PTPRM: variants seen among roughly 807,000 people sequenced by gnomAD.
The protein encoded by PTPRM is receptor-type tyrosine-protein phosphatase mu.
In PTPRM, 47 loss-of-function variants were observed where a neutral mutation model predicts 186.7. The observed-to-expected ratio is 0.25, with a 90% confidence interval of 0.20 to 0.32. The LOEUF (loss-of-function observed/expected upper bound fraction) is 0.32, where lower values mean the gene tolerates loss of function less well. PTPRM is among the 10% of genes least tolerant of loss of function. The pLI, the probability that PTPRM is intolerant of heterozygous loss-of-function variation, is 1.00. For synonymous variants in PTPRM, 668 were observed against 674.9 expected, an observed-to-expected ratio of 0.99 and a Z score of 0.16; for missense variants, 1,494 against 1,865.0, an observed-to-expected ratio of 0.80 and a Z score of 3.66.
At chr18:7,702,887 G>T (rs1236751091) in intron 1 of PTPRM, among the ~76,000 whole-genome samples, 1 of 151,708 alleles carries the variant, frequency 6.6e-6, no homozygotes, top group South Asian at 2.1e-4. Context: ...GTAAGGAAGG[G>T]GTCCAGTTTT....
chr18:8,248,024 A>T, intron 16 of PTPRM, 105 bp downstream of exon 16: 1 of 1,358,746 alleles, frequency 7.4e-7, no homozygotes, highest in Non-Finnish European at 1.1e-6. Context: ...ACTGTGTTTG[A>T]GATGTTGTAA....
intron 32 of PTPRM, among the ~76,000 whole-genome samples, chr18:8,400,644 C>T (rs1334428449): frequency 6.6e-6 from 1 of 152,222 alleles, no homozygotes; most frequent in African/African-American, 2.4e-5. Flanking sequence ...AGCCAGGCCC[C>T]ATCCTGATCT....
chr18:8,280,950 G>A (rs1424658610), intron 19 of PTPRM, among the ~76,000 whole-genome samples: 1 of 152,180 alleles, frequency 6.6e-6, no homozygotes, highest in Admixed American at 6.5e-5. Context: ...TTAGAGATGT[G>A]AAGAAAACTT....
At chr18:8,228,491 TA>T (rs1410600241) in intron 14 of PTPRM, among the ~76,000 whole-genome samples, 11 of 152,138 alleles carry the variant, frequency 7.2e-5, no homozygotes, top group African/African-American at 2.7e-4. Flanking sequence ...GAAGTTGTTT[TA>T]AAATATGTGT....
chr18:7,601,661 A>G (rs2037406616), intron 1 of PTPRM, among the ~76,000 whole-genome samples: 1 of 152,218 alleles, frequency 6.6e-6, no homozygotes, highest in Admixed American at 6.5e-5. Flanking sequence ...GTCTACCTGA[A>G]TAATCCAGGA....
At chr18:8,349,479 CT>C (rs1242595331) in intron 23 of PTPRM, among the ~76,000 whole-genome samples, 7 of 152,272 alleles carry the variant, frequency 4.6e-5, no homozygotes, top group Non-Finnish European at 8.8e-5. Flanking sequence ...CAGTCTTAGC[CT>C]TTGAATAATT....
chr18:7,854,937 G>A, intron 2 of PTPRM, among the ~76,000 whole-genome samples: 1 of 152,002 alleles, frequency 6.6e-6, no homozygotes, highest in Admixed American at 6.6e-5. Context: ...TCATTTTACT[G>A]CATATCCTTG....
intron 23 of PTPRM, among the ~76,000 whole-genome samples, chr18:8,359,743 C>G (rs749888456): frequency 6.6e-6 from 1 of 152,236 alleles, no homozygotes; most frequent in African/African-American, 2.4e-5. Flanking sequence ...CCTACCTGCT[C>G]GGGTGTGCAC....
At chr18:8,312,921 G>C (rs1187010695) in intron 20 of PTPRM, among the ~76,000 whole-genome samples, 1 of 152,206 alleles carries the variant, frequency 6.6e-6, no homozygotes, top group Non-Finnish European at 1.5e-5. Context: ...GTCAAGGAAG[G>C]AAAGTTAGAA....
In PTPRM at chr18:8,100,130, TTG is replaced by T. The variant is rs141633477; in HGVS notation, c.1856+11297_1856+11298del. Among the ~76,000 whole-genome samples, 305 of 148,916 alleles carry T rather than the reference TTG, an allele frequency of 2.0e-3. 1 individual carries two copies. The highest frequency in any genetic ancestry group is 3.8e-3 in the Non-Finnish European group (251 of 66,846). On this transcript the variant is annotated intron_variant, in intron 11 of 32. Coordinates refer to ENST00000580170, the MANE Select transcript of PTPRM (RefSeq NM_001105244.2). ...GAGTGAGGAGGGAGATGCCACACAC[TTG>T]TGTGTGTGTGTGTGTGTATGTGTGG...
intron 23 of PTPRM, among the ~76,000 whole-genome samples, chr18:8,363,889 G>C (rs116400375): frequency 6.6e-6 from 1 of 152,330 alleles, no homozygotes; most frequent in African/African-American, 2.4e-5. Flanking sequence ...GAAAACCAGC[G>C]TTGTGGGTAC....
At chr18:7,657,664 G>A (rs1021891045) in intron 1 of PTPRM, among the ~76,000 whole-genome samples, 1 of 152,182 alleles carries the variant, frequency 6.6e-6, no homozygotes, top group Non-Finnish European at 1.5e-5. Flanking sequence ...GATTTTAATT[G>A]TACACTGGCC....
At chr18:8,251,018 T>G (rs548243356) in intron 17 of PTPRM, among the ~76,000 whole-genome samples, 2 of 152,252 alleles carry the variant, frequency 1.3e-5, no homozygotes, top group South Asian at 4.2e-4. Flanking sequence ...TACTAGATAA[T>G]AGGGCTCTTC....
At chr18:8,022,053 G>A (rs926464530) in intron 7 of PTPRM, among the ~76,000 whole-genome samples, 2 of 152,148 alleles carry the variant, frequency 1.3e-5, no homozygotes, top group Admixed American at 6.6e-5. Flanking sequence ...ATGAAAAAAG[G>A]AAAATAAGAA....
At chr18:8,267,093 C>T (rs750775922) in intron 19 of PTPRM, among the ~76,000 whole-genome samples, 17 of 152,132 alleles carry the variant, frequency 1.1e-4, no homozygotes, top group Admixed American at 2.6e-4. Flanking sequence ...ATTATAAATA[C>T]GCAGCGTATG....
chr18:7,645,801 TCTC>T (rs1003257045), intron 1 of PTPRM, among the ~76,000 whole-genome samples: 3 of 152,176 alleles, frequency 2.0e-5, no homozygotes, highest in Non-Finnish European at 4.4e-5. Flanking sequence ...ACCCTGATAA[TCTC>T]CTCAGAGGGT....
chr18:7,813,549 A>G (rs1236051511), intron 2 of PTPRM, among the ~76,000 whole-genome samples: 2 of 152,084 alleles, frequency 1.3e-5, no homozygotes, highest in East Asian at 3.9e-4. Context: ...CCCCCTTCCT[A>G]TTCATCCTGC....
At chr18:7,658,632 C>G (rs2038911510) in intron 1 of PTPRM, among the ~76,000 whole-genome samples, 2 of 152,022 alleles carry the variant, frequency 1.3e-5, no homozygotes, top group African/African-American at 4.8e-5. Context: ...CCTAACATAA[C>G]TTACAGAAAA....
At chr18:8,336,551 CAAAA>C (rs1409482408) in intron 22 of PTPRM, among the ~76,000 whole-genome samples, 3 of 113,796 alleles carry the variant, frequency 2.6e-5, no homozygotes, top group Non-Finnish European at 5.3e-5. Context: ...GACTCTGTCT[CAAAA>C]AAAAGAAAGA....
Sources: allele counts gnomAD v4.1 joint callset (sites outside exome capture counted in the v4.1 genomes callset), GRCh38; gene constraint gnomAD v4.1.1; transcripts MANE v1.5; gene names NCBI Gene and HGNC (gene_info 2026-07-23, HGNC 2026-07-21).